Variants in LZTS1 observed in about 807,000 individuals in gnomAD.
The protein encoded by LZTS1 is leucine zipper tumor suppressor 1.
In LZTS1, 31 loss-of-function variants were observed where a neutral mutation model predicts 45.8. That is an observed-to-expected ratio of 0.68 (90% CI 0.51 to 0.91). The LOEUF (loss-of-function observed/expected upper bound fraction) is 0.91, where lower values mean the gene tolerates loss of function less well. Among genes scored for constraint, LZTS1 ranks in the 40% least tolerant of loss-of-function variants. The probability of loss-of-function intolerance (pLI) is 0.00; values close to 1 mark genes in which losing one functional copy is unlikely to be tolerated. For synonymous variants in LZTS1, 359 were observed against 357.3 expected (o/e 1.00, Z -0.05); for missense variants, 821 against 788.9 (o/e 1.04, Z -0.49).
chr8:20,264,101 A>AG (rs1469561448), intron 1 of LZTS1, among the ~76,000 whole-genome samples: 4 of 152,150 alleles, frequency 2.6e-5, no homozygotes, highest in Non-Finnish European at 4.4e-5. Context: ...AACATATTTT[A>AG]ACGTCTATGA....
chr8:20,272,114 A>G (rs1405957970), intron 1 of LZTS1, among the ~76,000 whole-genome samples: 1 of 152,252 alleles, frequency 6.6e-6, no homozygotes, highest in Non-Finnish European at 1.5e-5. Context: ...CTGCCTTAAT[A>G]GAATCATGTC....
chr8:20,294,818 A>C (rs905208846), intron 1 of LZTS1, among the ~76,000 whole-genome samples: 9 of 151,658 alleles, frequency 5.9e-5, no homozygotes, highest in African/African-American at 1.7e-4. Flanking sequence ...GACAGAGGGG[A>C]GGGCAGACCC....
chr8:20,271,366 GA>G (rs1800472046), intron 1 of LZTS1, among the ~76,000 whole-genome samples: 1 of 152,138 alleles, frequency 6.6e-6, no homozygotes, highest in Non-Finnish European at 1.5e-5. Flanking sequence ...CTGACAGTGA[GA>G]TAATTAACCT....
At chr8:20,273,101 TG>T (rs1800505733) in intron 1 of LZTS1, among the ~76,000 whole-genome samples, 1 of 152,302 alleles carries the variant, frequency 6.6e-6, no homozygotes, top group South Asian at 2.1e-4. Context: ...TCCGGGATGT[TG>T]CTAAATCCAA....
chr8:20,268,426 C>G (rs1035919026), intron 1 of LZTS1, among the ~76,000 whole-genome samples: 4 of 152,048 alleles, frequency 2.6e-5, no homozygotes, highest in African/African-American at 7.2e-5. Flanking sequence ...CCCATACATA[C>G]TCTGCCCGAT....
intron 1 of LZTS1, among the ~76,000 whole-genome samples, chr8:20,271,317 G>A (rs730111): frequency 0.56 from 84,710 of 152,046 alleles, 23,907 homozygotes; most frequent in Middle Eastern, 0.67. Flanking sequence ...GCATCCGGCC[G>A]TGTTTCCACT....
chr8:20,249,636 G>A lies in LZTS1; in HGVS notation c.*86C>T, dbSNP rs1585270879. Reference sequence around the variant, plus strand: ...CCCAGGGAGTGGCGTCTCTCAGAGGGGTCTGAATTGCTGAGCAGGGGGGAT... The same window carrying A: ...CCCAGGGAGTGGCGTCTCTCAGAGGAGTCTGAATTGCTGAGCAGGGGGGAT... On this transcript the variant is annotated 3_prime_UTR_variant, in exon 4 of 4. Transcript: ENST00000381569. 2 of 1,488,488 alleles carry A rather than the reference G, an allele frequency of 1.3e-6. No individual in the cohort carries two copies. The highest frequency in any genetic ancestry group is 2.3e-5 in the East Asian group (1 of 43,900). 92.2% of individuals were successfully genotyped at this position (1,488,488 alleles called of 1,614,324 possible).
intron 1 of LZTS1, among the ~76,000 whole-genome samples, chr8:20,277,792 A>G (rs1480907701): frequency 6.6e-6 from 1 of 152,114 alleles, no homozygotes; most frequent in East Asian, 1.9e-4. Flanking sequence ...AAACAGCAGG[A>G]TTTGTCAGCC....
chr8:20,296,672 A>G (rs1017100858), intron 1 of LZTS1, among the ~76,000 whole-genome samples: 2 of 152,194 alleles, frequency 1.3e-5, no homozygotes, highest in Admixed American at 6.6e-5. Context: ...ATGAGAGTGG[A>G]TGAATGAAAT....
At chr8:20,277,874 T>C (rs955788476) in intron 1 of LZTS1, among the ~76,000 whole-genome samples, 1 of 152,200 alleles carries the variant, frequency 6.6e-6, no homozygotes. Context: ...TTGGGAACCC[T>C]GGGACTGGAG....
chr8:20,287,291 G>C (rs1030438480), intron 1 of LZTS1, among the ~76,000 whole-genome samples: 3 of 152,182 alleles, frequency 2.0e-5, no homozygotes, highest in Non-Finnish European at 2.9e-5. Context: ...ACCCTTTCAC[G>C]GGGCCCAGCT....
At chr8:20,275,793 T>G (rs60828034) in intron 1 of LZTS1, 38,906 of 151,948 alleles carry the variant, frequency 0.26, 5,825 homozygotes, top group African/African-American at 0.41. Context: ...AGTAGGAGCT[T>G]ACTGCAGTGA....
rs761206435 is a variant in LZTS1 at position 20,249,704 on chromosome 8, G to C, written c.*18C>G. 1 of 1,583,324 alleles carries C rather than the reference G, an allele frequency of 6.3e-7. No individual in the cohort carries two copies. Among genetic ancestry groups the C allele is most frequent in the East Asian group, 2.2e-5 (1 of 44,520 alleles). Reference sequence around the variant, plus strand: ...CTCCCAGTGCCAGGTCCCCAGACTCGCCTTCCCAGGCAGCCCCTCAGATCT... The same window carrying C: ...CTCCCAGTGCCAGGTCCCCAGACTCCCCTTCCCAGGCAGCCCCTCAGATCT... On this transcript the variant is annotated 3_prime_UTR_variant, in exon 4 of 4. Transcript: ENST00000381569.
chr8:20,283,230 G>A (rs182630865), intron 1 of LZTS1, among the ~76,000 whole-genome samples: 125 of 152,258 alleles, frequency 8.2e-4, no homozygotes, highest in East Asian at 5.8e-4. Flanking sequence ...TGCATATGTC[G>A]AAACTTAGTG....
chr8:20,303,595 C>T (rs892777356), intron 1 of LZTS1, 145 bp downstream of exon 1: 1 of 717,712 alleles, frequency 1.4e-6, no homozygotes, highest in East Asian at 1.3e-4. Flanking sequence ...ACAAAGACAC[C>T]TCGACAGCCA....
chr8:20,296,891 C>T (rs943144406), intron 1 of LZTS1, among the ~76,000 whole-genome samples: 1 of 152,134 alleles, frequency 6.6e-6, no homozygotes. Context: ...GTTCAGACAC[C>T]GATTTGGCCT....
chr8:20,303,862 C>G lies in LZTS1; in HGVS notation c.-257G>C. 1 of 985,188 alleles carries G rather than the reference C, an allele frequency of 1.0e-6. No individual in the cohort carries two copies. The highest frequency in any genetic ancestry group is 1.2e-6 in the Non-Finnish European group (1 of 829,826). The allele number at this position is 985,188 out of a possible 1,614,324, so 61.0% of individuals were successfully genotyped here. Reference sequence around the variant, plus strand: ...CGGGCCGGTCCCACTGCGCGGGATGCAGCTCCCGGCTCCCACTCACTGGCC... The same window carrying G: ...CGGGCCGGTCCCACTGCGCGGGATGGAGCTCCCGGCTCCCACTCACTGGCC... On this transcript the variant is annotated 5_prime_UTR_variant, in exon 1 of 4. Coordinates refer to ENST00000381569, the MANE Select transcript of LZTS1 (RefSeq NM_021020.5).
At chr8:20,251,071 G>T (rs1308287025) in intron 3 of LZTS1, among the ~76,000 whole-genome samples, 1 of 132,796 alleles carries the variant, frequency 7.5e-6, no homozygotes, top group Non-Finnish European at 1.6e-5. Context: ...ATAGCAAATA[G>T]CTGGTGAAGT....
In LZTS1 at chr8:20,282,130, A is replaced by G. The variant is rs1178873451; in HGVS notation, c.-135+21610T>C. Among the ~76,000 whole-genome samples, 5 of 152,296 alleles carry G rather than the reference A, an allele frequency of 3.3e-5. No homozygotes were observed. In the East Asian group the frequency reaches 9.6e-4, roughly 29 times the overall value. Reference sequence around the variant, plus strand: ...AAGAGGGCCTTTTCTAGTCACCACGAGGGTCCACAGTCCTTTGACAGCCAT... The same window carrying G: ...AAGAGGGCCTTTTCTAGTCACCACGGGGGTCCACAGTCCTTTGACAGCCAT... On this transcript the variant is annotated intron_variant, in intron 1 of 3. Coordinates refer to ENST00000381569, the MANE Select transcript of LZTS1 (RefSeq NM_021020.5).
Sources: gnomAD v4.1 joint callset for allele counts (sites outside exome capture counted in the v4.1 genomes callset) on GRCh38, gnomAD v4.1.1 for gene constraint, MANE v1.5 for transcripts, NCBI Gene and HGNC (gene_info 2026-07-23, HGNC 2026-07-21) for gene names.